Variants in ADAMTS12 observed in about 807,000 individuals in gnomAD.
ADAMTS12 encodes the protein A disintegrin and metalloproteinase with thrombospondin motifs 12.
Under a neutral mutation model 167.8 loss-of-function variants are expected in ADAMTS12, and 118 were observed. The observed-to-expected ratio is 0.70, with a 90% CI of 0.61 to 0.82. ADAMTS12 has a LOEUF of 0.82. ADAMTS12 is among the 40% of genes least tolerant of loss of function. ADAMTS12 has a pLI of 0.00. For synonymous variants in ADAMTS12, 704 were observed against 716.9 expected (o/e 0.98, Z 0.29); for missense variants, 1,916 against 1,998.8 (o/e 0.96, Z 0.79).
chr5:33,577,092 A>C lies in ADAMTS12; in HGVS notation c.2934T>G (p.Pro978=). Residue 978 remains proline (P), a synonymous_variant, in exon 19 of 24, where the codon CCT becomes CCG. Coordinates refer to ENST00000504830, the MANE Select transcript of ADAMTS12 (RefSeq NM_030955.4). The part of the protein sequence containing the change: ...SVTCAKNHDE[P]CDVTRKPNSR... Reference sequence around the variant, plus strand: ...TGTTGGGTTTCCTTGTCACATCGCAAGGTTCATCATGGTTCTTGGCACATG... The same window carrying C: ...TGTTGGGTTTCCTTGTCACATCGCACGGTTCATCATGGTTCTTGGCACATG... The C allele has an allele frequency of 6.2e-7, 1 of 1,614,208 alleles. No homozygotes were observed. Among genetic ancestry groups the C allele is most frequent in the Non-Finnish European group, 8.5e-7 (1 of 1,180,022 alleles).
intron 2 of ADAMTS12, chr5:33,840,328 T>C (rs137922905): frequency 6.6e-6 from 1 of 152,372 alleles, no homozygotes; most frequent in Non-Finnish European, 1.5e-5. Context: ...CCTTACTACT[T>C]CTGTTTAGGA....
chr5:33,629,342 T>C (rs1278895783), intron 13 of ADAMTS12, among the ~76,000 whole-genome samples: 1 of 151,204 alleles, frequency 6.6e-6, no homozygotes, highest in Non-Finnish European at 1.5e-5. Flanking sequence ...CAGGGAATAA[T>C]TTTGTCCAGT....
intron 20 of ADAMTS12, among the ~76,000 whole-genome samples, chr5:33,560,741 A>C (rs1405235908): frequency 9.8e-5 from 12 of 122,010 alleles, no homozygotes; most frequent in African/African-American, 3.5e-4. Context: ...GGACACAGGA[A>C]GGGGAACATC....
At chr5:33,651,507 T>G (rs1740866941) in intron 7 of ADAMTS12, among the ~76,000 whole-genome samples, 1 of 152,186 alleles carries the variant, frequency 6.6e-6, no homozygotes, top group Non-Finnish European at 1.5e-5. Context: ...GGGATATTGT[T>G]TTAATATATT....
Position 33,588,638 on chromosome 5 carries a change from G to A in ADAMTS12, c.2826C>T (p.Ile942=). ...PKTLLSCNRD[I]LCPSDWTVGN... is the part of the protein sequence containing the mutation. ...CCACTGTCCAGTCCGAGGGGCACAG[G>A]ATGTCTCTGTTGCAGGAAAGGAGGG... The change falls in exon 18 of 24, where the codon ATC becomes ATT. Residue 942 remains isoleucine (I), a synonymous_variant. Transcript: ENST00000504830. 1 of 1,614,172 alleles carries A rather than the reference G, an allele frequency of 6.2e-7. No homozygotes were observed. Among genetic ancestry groups the A allele is most frequent in the Non-Finnish European group, 8.5e-7 (1 of 1,180,042 alleles).
intron 2 of ADAMTS12, among the ~76,000 whole-genome samples, chr5:33,859,951 A>G (rs1299758317): frequency 1.3e-5 from 2 of 152,214 alleles, no homozygotes; most frequent in Non-Finnish European, 1.5e-5. Context: ...AACCAACACA[A>G]AGGAATAGCA....
chr5:33,878,124 G>A (rs754271368), intron 2 of ADAMTS12, among the ~76,000 whole-genome samples: 3 of 152,152 alleles, frequency 2.0e-5, no homozygotes, highest in Non-Finnish European at 2.9e-5. Context: ...CCCTAGACAC[G>A]TGATCAGAAG....
chr5:33,566,619 T>A (rs1448152181), intron 19 of ADAMTS12, among the ~76,000 whole-genome samples: 1 of 152,252 alleles, frequency 6.6e-6, no homozygotes, highest in Non-Finnish European at 1.5e-5. Flanking sequence ...ATAGTTCTCA[T>A]GCCTCACCTG....
At chr5:33,690,807 C>T (rs1325103118) in intron 3 of ADAMTS12, among the ~76,000 whole-genome samples, 1 of 152,026 alleles carries the variant, frequency 6.6e-6, no homozygotes, top group African/African-American at 2.4e-5. Context: ...CAAAGTAATT[C>T]CACTGATTTG....
chr5:33,806,800 ATCCTGTTCACTTTATCTTTGAAGTTTC>A (rs1272427473), intron 2 of ADAMTS12, among the ~76,000 whole-genome samples: 1 of 152,150 alleles, frequency 6.6e-6, no homozygotes, highest in East Asian at 1.9e-4. Context: ...CATCCTATTT[ATCCTGTTCACTTTATCTTTGAAGTTTC>A]TCCTGACGAC....
chr5:33,731,706 T>C (rs1332087660), intron 3 of ADAMTS12, among the ~76,000 whole-genome samples: 1 of 152,090 alleles, frequency 6.6e-6, no homozygotes, highest in Non-Finnish European at 1.5e-5. Context: ...AAGGCAGCAC[T>C]CAGGAACACG....
At chr5:33,544,232 G>A (rs762066711) in intron 22 of ADAMTS12, among the ~76,000 whole-genome samples, 3 of 151,956 alleles carry the variant, frequency 2.0e-5, no homozygotes, top group South Asian at 2.1e-4. Context: ...ACAAACACAG[G>A]CCAAATCATG....
chr5:33,647,282 C>G (rs988365631), intron 9 of ADAMTS12, among the ~76,000 whole-genome samples: 1 of 152,102 alleles, frequency 6.6e-6, no homozygotes, highest in Non-Finnish European at 1.5e-5. Context: ...ATTCTACTCA[C>G]AGGGGAGTAA....
At chr5:33,690,430 T>C (rs1379336386) in intron 3 of ADAMTS12, among the ~76,000 whole-genome samples, 1 of 151,140 alleles carries the variant, frequency 6.6e-6, no homozygotes, top group Non-Finnish European at 1.5e-5. Flanking sequence ...CATCCTAGCT[T>C]AAGAGTATGG....
chr5:33,891,703 A>G lies in ADAMTS12; in HGVS notation c.127+27T>C, dbSNP rs747076989. On this transcript the variant is annotated intron_variant, in intron 1 of 23. Transcript: ENST00000504830. ...CCGCAAGTCTTACCACCACTGTTTT[A>G]AAAAGAAATAAAGAAGAGTCACTAA... 3 of 1,613,232 alleles carry G rather than the reference A, an allele frequency of 1.9e-6. No individual in the cohort carries two copies. The South Asian group carries it at 3.3e-5, about 18-fold the overall frequency.
chr5:33,661,577 G>A (rs1045165704), intron 6 of ADAMTS12, among the ~76,000 whole-genome samples: 3 of 152,200 alleles, frequency 2.0e-5, no homozygotes, highest in Non-Finnish European at 4.4e-5. Context: ...AGTAACAAGA[G>A]TCTTTAATGA....
At chr5:33,858,979 C>T (rs1749507911) in intron 2 of ADAMTS12, among the ~76,000 whole-genome samples, 1 of 152,136 alleles carries the variant, frequency 6.6e-6, no homozygotes, top group African/African-American at 2.4e-5. Flanking sequence ...CACTCCAGCC[C>T]AGATGCTACA....
chr5:33,546,353 C>T, intron 21 of ADAMTS12, 151 bp from the exon 22 acceptor site: 1 of 610,486 alleles, frequency 1.6e-6, no homozygotes, highest in Non-Finnish European at 2.4e-6. Context: ...CTGCAAATTC[C>T]TTACAATGAC....
intron 2 of ADAMTS12, among the ~76,000 whole-genome samples, chr5:33,753,313 T>C (rs550210984): frequency 6.6e-6 from 1 of 152,320 alleles, no homozygotes; most frequent in Non-Finnish European, 1.5e-5. Context: ...TATCTGTCTC[T>C]AAGGACAATC....
Sources: gnomAD v4.1 joint callset for allele counts (sites outside exome capture counted in the v4.1 genomes callset) on GRCh38, gnomAD v4.1.1 for gene constraint, MANE v1.5 for transcripts, NCBI Gene and HGNC (gene_info 2026-07-23, HGNC 2026-07-21) for gene names.